RAE1: variants seen among roughly 807,000 people sequenced by gnomAD.
The protein encoded by RAE1 is mRNA export factor RAE1.
RAE1 carries 13 observed loss-of-function variants against 52.7 expected under a neutral mutation model. The observed-to-expected ratio is 0.25, with a 90% CI of 0.16 to 0.39. RAE1 has a LOEUF of 0.39. Ranked by LOEUF, RAE1 falls within the 10% of genes least tolerant of loss-of-function variation. The pLI is 1.00. For synonymous variants in RAE1, 164 were observed against 153.1 expected, an observed-to-expected ratio of 1.07 and a Z score of -0.52; for missense variants, 262 against 459.8, an observed-to-expected ratio of 0.57 and a Z score of 3.93.
rs111694726 is a variant in RAE1 at position 57,354,550 on chromosome 20, C to T, written c.91-162C>T. On this transcript the variant is annotated intron_variant, in intron 2 of 11. Transcript: ENST00000395841. ...CTGGTGGTGCTGGTACTTTCTCTAG[C>T]TTATTTTTTACTCCTGTCTTTGATC... Among the ~76,000 whole-genome samples, 448 of 152,278 alleles carry T rather than the reference C, an allele frequency of 2.9e-3. 1 individual carries two copies. Among genetic ancestry groups the T allele is most frequent in the African/African-American group, 0.01 (428 of 41,548 alleles).
At position 57,378,117 on chromosome 20, in the gene RAE1, TC is replaced by T; in HGVS notation, c.*19del. ...AGAAGTAGTGGCTGGAGACTCTGGC[TC>T]AGCCAGAGTTGTTTCTCTCCACTCT... On this transcript the variant is annotated 3_prime_UTR_variant, in exon 12 of 12. Coordinates refer to ENST00000395841, the MANE Select transcript of RAE1 (RefSeq NM_003610.4). 1 of 1,578,270 alleles carries T rather than the reference TC, an allele frequency of 6.3e-7. No homozygotes were observed. Among genetic ancestry groups the T allele is most frequent in the Non-Finnish European group, 8.7e-7 (1 of 1,153,046 alleles).
intron 1 of RAE1, among the ~76,000 whole-genome samples, chr20:57,353,522 C>T (rs189738942): frequency 2.0e-5 from 3 of 152,224 alleles, no homozygotes; most frequent in African/African-American, 4.8e-5. Flanking sequence ...ATTCGCTTCC[C>T]GGACTGGTTG....
intron 11 of RAE1, among the ~76,000 whole-genome samples, chr20:57,376,446 T>C (rs1319437910): frequency 6.6e-6 from 1 of 152,242 alleles, no homozygotes; most frequent in Admixed American, 6.5e-5. Context: ...TGGACTAGTC[T>C]GAATTTTCTA....
intron 4 of RAE1, among the ~76,000 whole-genome samples, chr20:57,363,911 C>T (rs974234957): frequency 6.6e-6 from 1 of 152,146 alleles, no homozygotes; most frequent in Non-Finnish European, 1.5e-5. Context: ...TAAACCTACA[C>T]GGAAGGATTA....
chr20:57,378,005 C>G lies in RAE1; in HGVS notation c.1021-8C>G, dbSNP rs545606321. The G allele has an allele frequency of 8.8e-6, 14 of 1,583,222 alleles. No homozygotes were observed. In the South Asian group the frequency reaches 1.1e-4, roughly 13 times the overall value. ...AATAAGATCATTGGTGTTTTTTGCT[C>G]TCTTTAGGGACATGAATTTTATAAT... is the stretch of plus-strand genomic sequence containing the variant. On this transcript the variant is annotated splice_region_variant and splice_polypyrimidine_tract_variant and intron_variant, in intron 11 of 11. Coordinates refer to ENST00000395841, the MANE Select transcript of RAE1 (RefSeq NM_003610.4).
rs776302475 is a variant in RAE1 at position 57,378,055 on chromosome 20, C to T, written c.1063C>T (p.Leu355=). ...YNPQKKNYIF[L]RNAAEELKPR... ...TCCCCAGAAAAAAAATTACATTTTC[C>T]TGCGTAATGCAGCCGAAGAGCTAAA... is the stretch of plus-strand genomic sequence containing the variant. Residue 355 remains leucine (L), a synonymous_variant, in exon 12 of 12, where the codon CTG becomes TTG. Coordinates refer to ENST00000395841, the MANE Select transcript of RAE1 (RefSeq NM_003610.4). 2 of 1,613,032 alleles carry T rather than the reference C, an allele frequency of 1.2e-6. No individual in the cohort carries two copies. Among genetic ancestry groups the T allele is most frequent in the South Asian group, 1.1e-5 (1 of 91,000 alleles).
At position 57,354,708 on chromosome 20, in the gene RAE1, G is replaced by T. The variant is rs780052876; in HGVS notation, c.91-4G>T. Reference sequence around the variant, plus strand: ...ACATTTTAACATTGACTTTTTTCCCGCAGGATATTGAAGTAACATCATCTC... The same window carrying T: ...ACATTTTAACATTGACTTTTTTCCCTCAGGATATTGAAGTAACATCATCTC... On this transcript the variant is annotated splice_region_variant and splice_polypyrimidine_tract_variant and intron_variant, in intron 2 of 11. Coordinates refer to ENST00000395841, the MANE Select transcript of RAE1 (RefSeq NM_003610.4). The T allele has an allele frequency of 1.3e-6, 2 of 1,553,000 alleles. No homozygotes were observed. Among genetic ancestry groups the T allele is most frequent in the Non-Finnish European group, 8.7e-7 (1 of 1,154,074 alleles).
intron 11 of RAE1, among the ~76,000 whole-genome samples, chr20:57,376,653 G>C (rs1342094746): frequency 6.6e-6 from 1 of 152,150 alleles, no homozygotes; most frequent in African/African-American, 2.4e-5. Flanking sequence ...ACTCAGTTTT[G>C]TGACAAGAGT....
intron 7 of RAE1, among the ~76,000 whole-genome samples, chr20:57,367,915 G>A (rs2066980948): frequency 6.6e-6 from 1 of 152,136 alleles, no homozygotes; most frequent in Admixed American, 6.5e-5. Context: ...TTTTGAGATG[G>A]AGTCTTGCTC....
chr20:57,366,708 TATTTAA>T, intron 5 of RAE1, 93 bp from the exon 6 acceptor site: 1 of 1,141,092 alleles, frequency 8.8e-7, no homozygotes, highest in South Asian at 1.3e-5. Flanking sequence ...ATGGCCCCAG[TATTTAA>T]ATTAGTTTCT....
chr20:57,357,457 A>T (rs1008409030), intron 4 of RAE1: 1 of 152,216 alleles, frequency 6.6e-6, no homozygotes, highest in Non-Finnish European at 1.5e-5. Flanking sequence ...GGAAATTAGG[A>T]CAAGCATTGA....
intron 4 of RAE1, chr20:57,358,299 T>C (rs1302032405): frequency 6.6e-6 from 1 of 152,238 alleles, no homozygotes; most frequent in Non-Finnish European, 1.5e-5. Context: ...GATTTTTCAT[T>C]CGATGAGTGT....
In RAE1 at chr20:57,374,810, TC is replaced by T. The variant is rs1568794798; in HGVS notation, c.1020+12del. 6.2e-7 allele frequency: 1 copy of T among 1,614,152 alleles called. No homozygotes were observed. Among genetic ancestry groups the T allele is most frequent in the Admixed American group, 1.7e-5 (1 of 60,026 alleles). On this transcript the variant is annotated intron_variant, in intron 11 of 11. Transcript: ENST00000395841. Reference sequence around the variant, plus strand: ...GCTACGACTGGTCAAAGGTGAGAACTCCCGGGCCTGCTCTGGGTGCTCCAAG... The same window carrying T: ...GCTACGACTGGTCAAAGGTGAGAACTCCGGGCCTGCTCTGGGTGCTCCAAG...
chr20:57,375,223 T>A (rs555680310), intron 11 of RAE1: 1 of 603,162 alleles, frequency 1.7e-6, no homozygotes, highest in African/African-American at 1.9e-5. Flanking sequence ...CCTTTGGGCA[T>A]GATGGTGAAA....
chr20:57,351,858 A>C, intron 1 of RAE1: 3 of 985,452 alleles, frequency 3.0e-6, no homozygotes, highest in Non-Finnish European at 3.6e-6. Flanking sequence ...TTTCTGTCTT[A>C]GCCCGCCAAG....
chr20:57,364,542 A>G (rs922667610), intron 4 of RAE1, among the ~76,000 whole-genome samples: 2 of 152,250 alleles, frequency 1.3e-5, no homozygotes, highest in Admixed American at 6.5e-5. Flanking sequence ...ATGGTGGTCA[A>G]TTTTTGAGCT....
intron 4 of RAE1, 82 bp from the exon 5 acceptor site, chr20:57,365,274 T>G (rs2066938870): frequency 1.0e-6 from 1 of 977,140 alleles, no homozygotes; most frequent in African/African-American, 1.7e-5. Flanking sequence ...TGCCTCAATA[T>G]GTTCAACGTA....
intron 10 of RAE1, among the ~76,000 whole-genome samples, chr20:57,374,102 G>A (rs150281260): frequency 1.8e-3 from 274 of 152,274 alleles, no homozygotes; most frequent in African/African-American, 6.2e-3. Flanking sequence ...GGCTGGTCTC[G>A]AACTCCTGAC....
chr20:57,365,249 AAG>A, intron 4 of RAE1, 105 bp from the exon 5 acceptor site: 1 of 708,706 alleles, frequency 1.4e-6, no homozygotes, highest in Non-Finnish European at 2.2e-6. Flanking sequence ...TGGAAAAATA[AAG>A]ATTGCCAAAG....
Sources: gnomAD v4.1 joint callset for allele counts (sites outside exome capture counted in the v4.1 genomes callset) on GRCh38, gnomAD v4.1.1 for gene constraint, MANE v1.5 for transcripts, NCBI Gene and HGNC (gene_info 2026-07-23, HGNC 2026-07-21) for gene names.